Variants in MEF2C observed in about 807,000 individuals in gnomAD.
MEF2C encodes the protein myocyte enhancer factor 2C.
Under a neutral mutation model 50.5 loss-of-function variants are expected in MEF2C, and 6 were observed. The ratio of observed to expected loss-of-function variants is 0.12; its 90% CI spans 0.07 to 0.23. The LOEUF (loss-of-function observed/expected upper bound fraction) is 0.23, where lower values mean the gene tolerates loss of function less well. MEF2C is among the 10% of genes least tolerant of loss of function. MEF2C has a pLI of 1.00. For missense variants in MEF2C, 276 were observed against 605.0 expected (o/e 0.46, Z 5.70); for synonymous variants, 183 against 228.0 (o/e 0.80, Z 1.78).
At chr5:88,843,404 A>G in intron 1 of MEF2C, 1 of 985,358 alleles carries the variant, frequency 1.0e-6, no homozygotes, top group Non-Finnish European at 1.2e-6. Flanking sequence ...TAAGCTAAAA[A>G]AATCAATCTA....
intron 9 of MEF2C, 99 bp downstream of exon 9, chr5:88,729,119 C>G (rs1298804984): frequency 6.9e-7 from 1 of 1,441,990 alleles, no homozygotes; most frequent in African/African-American, 1.4e-5. Context: ...GGCGCAGGCC[C>G]TAAATAAAGC....
intron 1 of MEF2C, among the ~76,000 whole-genome samples, chr5:88,891,142 C>T (rs904316165): frequency 6.6e-6 from 1 of 152,168 alleles, no homozygotes. Context: ...GTCATAGATT[C>T]ATATAATGCC....
At chr5:88,884,960 T>G (rs776725453), upstream of MEF2C, among the ~76,000 whole-genome samples, 1 of 152,186 alleles carries the variant, frequency 6.6e-6, no homozygotes, top group Admixed American at 6.5e-5. Flanking sequence ...AGTAGAATTA[T>G]AGATTACATA....
At chr5:88,772,764 G>A (rs1382301124) in intron 3 of MEF2C, 5 of 985,266 alleles carry the variant, frequency 5.1e-6, no homozygotes, top group Non-Finnish European at 6.0e-6. Context: ...GTGGCTATAA[G>A]TCATTCACTC....
chr5:88,744,019 TTTC>T (rs1768138179), intron 6 of MEF2C: 1 of 968,780 alleles, frequency 1.0e-6, no homozygotes, highest in Admixed American at 6.2e-5. Context: ...AGGTTTTTCA[TTTC>T]TTTTTTCTCT....
At chr5:88,853,143 G>A (rs1444702956) in intron 1 of MEF2C, among the ~76,000 whole-genome samples, 4 of 152,188 alleles carry the variant, frequency 2.6e-5, no homozygotes, top group African/African-American at 7.2e-5. Flanking sequence ...AGGATCACTT[G>A]AGCCTAGAAG....
chr5:88,900,559 A>G lies in MEF2C; in HGVS notation c.-240+3357T>C, dbSNP rs1043495336. Reference sequence around the variant, plus strand: ...GAAATCCATTTAAATGGTAAGACAAATAAAAAACTTTTGTACCATAGATGT... The same window carrying G: ...GAAATCCATTTAAATGGTAAGACAAGTAAAAAACTTTTGTACCATAGATGT... On this transcript the variant is annotated intron_variant, in intron 1 of 11. Coordinates refer to the MEF2C transcript ENST00000340208. Among the ~76,000 whole-genome samples, 9 of 152,014 alleles carry G rather than the reference A, an allele frequency of 5.9e-5. No individual in the cohort carries two copies. The South Asian group carries it at 1.5e-3, about 25-fold the overall frequency.
At chr5:88,769,932 C>T in intron 3 of MEF2C, 3 of 981,996 alleles carry the variant, frequency 3.1e-6, no homozygotes, top group Non-Finnish European at 3.6e-6. Flanking sequence ...GGGCATGGGC[C>T]ACTGTGTCCA....
intron 3 of MEF2C, among the ~76,000 whole-genome samples, chr5:88,794,162 A>C (rs1795023889): frequency 6.6e-6 from 1 of 152,130 alleles, no homozygotes; most frequent in Non-Finnish European, 1.5e-5. Flanking sequence ...ATATACCCAG[A>C]AATGGTATGG....
intron 3 of MEF2C, chr5:88,768,754 T>C: frequency 1.1e-6 from 1 of 893,214 alleles, no homozygotes; most frequent in South Asian, 5.1e-5. Flanking sequence ...ATCTCTTTTT[T>C]TTCCATTTAT....
At chr5:88,805,704 T>C (rs1397810930) in intron 2 of MEF2C, among the ~76,000 whole-genome samples, 1 of 152,002 alleles carries the variant, frequency 6.6e-6, no homozygotes, top group Non-Finnish European at 1.5e-5. Context: ...CTTTGAAAAC[T>C]TCCTACCTGC....
intron 5 of MEF2C, chr5:88,751,282 G>C (rs1772599110): frequency 1.0e-6 from 1 of 985,378 alleles, no homozygotes; most frequent in Non-Finnish European, 1.2e-6. Context: ...ACAAATTTGT[G>C]GCAGGTGTAC....
upstream of MEF2C, chr5:88,887,480 A>C (rs1383227221): frequency 6.6e-6 from 1 of 152,224 alleles, no homozygotes; most frequent in East Asian, 1.9e-4. Flanking sequence ...GGTAAATGAT[A>C]AAAACAAATG....
chr5:88,805,856 C>T (rs1045792654), intron 2 of MEF2C, among the ~76,000 whole-genome samples: 7 of 79,474 alleles, frequency 8.8e-5, no homozygotes, highest in East Asian at 4.3e-4. Flanking sequence ...TTTTTGGAGA[C>T]GGAGTCTCTT....
At chr5:88,805,823 CTTTTTTTTTTTTTTTTT>C (rs869224140) in intron 2 of MEF2C, among the ~76,000 whole-genome samples, 4 of 61,554 alleles carry the variant, frequency 6.5e-5, no homozygotes, top group South Asian at 1.5e-3. Context: ...CGTGAACATT[CTTTTTTTTTTTTTTTTT>C]TTTTTTTTTT....
chr5:88,779,466 G>T (rs556796098), intron 3 of MEF2C, among the ~76,000 whole-genome samples: 1 of 152,198 alleles, frequency 6.6e-6, no homozygotes, highest in East Asian at 1.9e-4. Flanking sequence ...CAGATAGATA[G>T]AAATCAATGA....
chr5:88,834,201 A>G (rs1027066709), intron 1 of MEF2C, among the ~76,000 whole-genome samples: 3 of 152,122 alleles, frequency 2.0e-5, no homozygotes, highest in African/African-American at 7.2e-5. Flanking sequence ...ACACACATGG[A>G]GTTCAGGTCC....
At chr5:88,819,384 C>A in intron 2 of MEF2C, 1 of 985,116 alleles carries the variant, frequency 1.0e-6, no homozygotes. Flanking sequence ...CTTAACAGGA[C>A]CTTCAAAGCT....
chr5:88,846,575 A>G (rs1447972553), intron 1 of MEF2C, among the ~76,000 whole-genome samples: 2 of 151,710 alleles, frequency 1.3e-5, no homozygotes, highest in Non-Finnish European at 2.9e-5. Context: ...TTTGTGCTCA[A>G]CATGGTAGAA....
Sources: allele counts gnomAD v4.1 joint callset (sites outside exome capture counted in the v4.1 genomes callset), GRCh38; gene constraint gnomAD v4.1.1; transcripts MANE v1.5; gene names NCBI Gene and HGNC (gene_info 2026-07-23, HGNC 2026-07-21).